Variants in PCDHA1 observed in about 807,000 individuals in gnomAD.
The protein encoded by PCDHA1 is protocadherin alpha 1.
A neutral mutation model predicts 61.3 loss-of-function variants in PCDHA1; 42 were observed. The observed-to-expected ratio is 0.69, with a 90% confidence interval of 0.54 to 0.89. The LOEUF is 0.89. Ranked by LOEUF, PCDHA1 falls within the 40% of genes least tolerant of loss-of-function variation. PCDHA1 has a pLI of 0.00. For missense variants in PCDHA1, 1,256 were observed against 1,235.3 expected, an observed-to-expected ratio of 1.02 and a Z score of -0.25; for synonymous variants, 610 against 553.8, an observed-to-expected ratio of 1.10 and a Z score of -1.43.
chr5:140,851,300 A>G (rs2042018039), intron 1 of PCDHA1: 2 of 1,017,502 alleles, frequency 2.0e-6, no homozygotes, highest in East Asian at 1.2e-4. Context: ...GCAAAAATAT[A>G]TAGCAATTGT....
intron 1 of PCDHA1, chr5:140,863,226 C>CCGA: frequency 1.7e-6 from 2 of 1,160,306 alleles, no homozygotes; most frequent in Non-Finnish European, 2.5e-6. Context: ...CGAGGAAGGT[C>CCGA]CCATCGCGGG....
chr5:140,870,972 G>A, intron 1 of PCDHA1: 2 of 1,613,640 alleles, frequency 1.2e-6, no homozygotes, highest in Non-Finnish European at 1.7e-6. Flanking sequence ...CGTTCCGCGT[G>A]GGGCTGTACA....
chr5:140,833,197 A>C (rs2150206891), intron 1 of PCDHA1, among the ~76,000 whole-genome samples: 8 of 152,216 alleles, frequency 5.3e-5, no homozygotes, highest in Non-Finnish European at 8.8e-5. Context: ...TAAATGAAGG[A>C]GAATGAAATA....
At chr5:140,982,436 T>G (rs782353079) in intron 2 of PCDHA1, 39 bp from the exon 3 acceptor site, 18 of 1,613,262 alleles carry the variant, frequency 1.1e-5, no homozygotes, top group Non-Finnish European at 1.5e-5. Context: ...GGAAAGAATT[T>G]ATGATCTAAC....
At position 140,787,679 on chromosome 5, in the gene PCDHA1, C is replaced by G. The variant is rs782485929; in HGVS notation, c.1389C>G (p.Phe463Leu). 4 of 1,613,822 alleles carry G rather than the reference C, an allele frequency of 2.5e-6. No individual in the cohort carries two copies. In the South Asian group the frequency reaches 3.3e-5, roughly 13 times the overall value. ...PAFAQPEYTVFVKENNPPGCH... is the reference protein window; with the variant it reads ...PAFAQPEYTVLVKENNPPGCH... Reference sequence around the variant, plus strand: ...TCGCGCAGCCCGAGTACACAGTATTCGTGAAGGAGAACAACCCGCCGGGCT... The same window carrying G: ...TCGCGCAGCCCGAGTACACAGTATTGGTGAAGGAGAACAACCCGCCGGGCT... The change falls in exon 1 of 4, where the codon TTC becomes TTG. Residue 463 changes from phenylalanine to leucine, a missense_variant. Transcript: ENST00000504120.
At chr5:140,923,826 T>C (rs2081533545) in intron 1 of PCDHA1, among the ~76,000 whole-genome samples, 1 of 152,218 alleles carries the variant, frequency 6.6e-6, no homozygotes, top group African/African-American at 2.4e-5. Context: ...TAGACGTCAG[T>C]GGCAGTTTAA....
At chr5:140,795,129 G>T in intron 1 of PCDHA1, 1 of 1,614,028 alleles carries the variant, frequency 6.2e-7, no homozygotes, top group Non-Finnish European at 8.5e-7. Context: ...TGGGGCTGGA[G>T]CTGGAGGAGC....
At chr5:140,858,053 G>C (rs1233644213) in intron 1 of PCDHA1, 5 of 1,597,600 alleles carry the variant, frequency 3.1e-6, no homozygotes, top group Non-Finnish European at 4.3e-6. Flanking sequence ...TGTGTCGCTT[G>C]TGGAGGGCAG....
intron 1 of PCDHA1, chr5:140,869,097 G>A (rs1344358126): frequency 2.5e-6 from 4 of 1,595,318 alleles, no homozygotes; most frequent in Non-Finnish European, 2.6e-6. Flanking sequence ...AGCCAATTTC[G>A]TATGCGATGT....
intron 1 of PCDHA1, chr5:140,852,607 C>A: frequency 1.1e-6 from 1 of 915,386 alleles, no homozygotes; most frequent in Non-Finnish European, 1.3e-6. Context: ...CATTTTCTTT[C>A]AAAACTTGAG....
intron 1 of PCDHA1, among the ~76,000 whole-genome samples, chr5:140,854,875 T>A (rs2150323966): frequency 6.7e-6 from 1 of 150,054 alleles, no homozygotes; most frequent in African/African-American, 2.4e-5. Context: ...CAGAACTGTG[T>A]CTTTTGGGCA....
At chr5:141,009,255 G>A (rs2098403504) in intron 3 of PCDHA1, among the ~76,000 whole-genome samples, 1 of 152,162 alleles carries the variant, frequency 6.6e-6, no homozygotes. Context: ...CAGTGTTTGA[G>A]ACCAGCCTGG....
intron 1 of PCDHA1, chr5:140,863,718 G>A (rs2048134284): frequency 3.6e-6 from 1 of 274,680 alleles, no homozygotes; most frequent in South Asian, 3.9e-5. Flanking sequence ...ACTGGGGCCG[G>A]GTGCGGTAGC....
At chr5:140,851,058 T>G in intron 1 of PCDHA1, 1 of 1,377,986 alleles carries the variant, frequency 7.3e-7, no homozygotes, top group African/African-American at 1.5e-5. Context: ...TTGTCTTGAC[T>G]TCTAGTGAGA....
chr5:140,868,751 C>A, intron 1 of PCDHA1: 1 of 215,966 alleles, frequency 4.6e-6, no homozygotes, highest in Non-Finnish European at 9.2e-6. Flanking sequence ...ATGCCATTTC[C>A]ATATATATTT....
chr5:140,882,972 T>C, intron 1 of PCDHA1: 1 of 1,614,190 alleles, frequency 6.2e-7, no homozygotes, highest in Non-Finnish European at 8.5e-7. Context: ...ATTCTGGACG[T>C]GAATGACAAC....
intron 1 of PCDHA1, chr5:140,796,731 C>T (rs782740005): frequency 1.4e-5 from 23 of 1,614,064 alleles, no homozygotes; most frequent in Admixed American, 1.0e-4. Context: ...GTGCAGGGCA[C>T]GTGGTGGCGA....
At chr5:140,937,070 C>G (rs1363778213) in intron 1 of PCDHA1, among the ~76,000 whole-genome samples, 2 of 147,796 alleles carry the variant, frequency 1.4e-5, no homozygotes, top group Admixed American at 1.4e-4. Context: ...CGGAGTCTCG[C>G]TCTGTCGCCC....
intron 1 of PCDHA1, chr5:140,805,257 TG>T: frequency 7.7e-7 from 1 of 1,297,974 alleles, no homozygotes; most frequent in Non-Finnish European, 9.8e-7. Flanking sequence ...TTAAAATACC[TG>T]GTAAATGAAA....
Sources: allele counts gnomAD v4.1 joint callset (sites outside exome capture counted in the v4.1 genomes callset), GRCh38; gene constraint gnomAD v4.1.1; transcripts MANE v1.5; gene names NCBI Gene and HGNC (gene_info 2026-07-23, HGNC 2026-07-21).